FAF2: variants seen among roughly 807,000 people sequenced by gnomAD.
FAF2 encodes FAS-associated factor 2.
FAF2 carries 9 observed loss-of-function variants against 62.3 expected under a neutral mutation model. That is an observed-to-expected ratio of 0.14 (90% CI 0.09 to 0.25). The LOEUF is 0.25. FAF2 is among the 10% of genes least tolerant of loss of function. The probability of loss-of-function intolerance (pLI) is 1.00; values close to 1 mark genes in which losing one functional copy is unlikely to be tolerated. For missense variants in FAF2, 368 were observed against 556.2 expected (o/e 0.66, Z 3.40); for synonymous variants, 202 against 198.0 (o/e 1.02, Z -0.17).
chr5:176,498,629 C>T (rs1689618652), intron 8 of FAF2, among the ~76,000 whole-genome samples: 1 of 152,126 alleles, frequency 6.6e-6, no homozygotes, highest in Admixed American at 6.6e-5. Context: ...TTCATAATAA[C>T]AGTACTGTGT....
chr5:176,480,863 C>T (rs1468963257), intron 2 of FAF2, among the ~76,000 whole-genome samples: 2 of 151,678 alleles, frequency 1.3e-5, no homozygotes, highest in African/African-American at 2.4e-5. Flanking sequence ...ATGTAGATGA[C>T]GGGTTGATGG....
chr5:176,493,968 T>C (rs746381472), intron 5 of FAF2, 31 bp from the exon 6 acceptor site: 2 of 1,512,974 alleles, frequency 1.3e-6, no homozygotes, highest in Admixed American at 1.7e-5. Flanking sequence ...CACAGTCTTC[T>C]TAATAGTGAG....
At chr5:176,455,690 A>T (rs1758267340) in intron 1 of FAF2, among the ~76,000 whole-genome samples, 1 of 151,990 alleles carries the variant, frequency 6.6e-6, no homozygotes, top group African/African-American at 2.4e-5. Context: ...CAGAGGTTGC[A>T]GTGAGCCAAG....
At chr5:176,468,176 A>T (rs1259933484) in intron 1 of FAF2, among the ~76,000 whole-genome samples, 1 of 152,210 alleles carries the variant, frequency 6.6e-6, no homozygotes, top group East Asian at 1.9e-4. Context: ...AAGAAAAGAA[A>T]AGAAACTAGA....
At chr5:176,464,680 A>T (rs1031629531) in intron 1 of FAF2, among the ~76,000 whole-genome samples, 3 of 151,276 alleles carry the variant, frequency 2.0e-5, no homozygotes, top group African/African-American at 7.3e-5. Flanking sequence ...TTCTGTAGAG[A>T]TGGGTCTCAC....
Position 176,448,470 on chromosome 5 carries a change from G to A in FAF2, c.63G>A (p.Gln21=). 1 of 1,596,610 alleles carries A rather than the reference G, an allele frequency of 6.3e-7. No individual in the cohort carries two copies. Among genetic ancestry groups the A allele is most frequent in the South Asian group, 1.1e-5 (1 of 88,398 alleles). The part of the protein sequence containing the change: ...QEQTEKLLQF[Q]DLTGIESMDQ... ...AGACAGAGAAGCTGCTGCAGTTTCA[G>A]GTAGCAGCGAGTACTCGGTGCAGCA... The change falls in exon 1 of 11, where the codon CAG becomes CAA. Residue 21 remains glutamine (Q), a splice_region_variant and synonymous_variant. Transcript: ENST00000261942.
chr5:176,478,086 T>G (rs1758733430), intron 1 of FAF2, among the ~76,000 whole-genome samples: 1 of 152,220 alleles, frequency 6.6e-6, no homozygotes, highest in Non-Finnish European at 1.5e-5. Context: ...TATTAGACTT[T>G]GAAGGAATGC....
At chr5:176,476,259 G>GT (rs1305182466) in intron 1 of FAF2, among the ~76,000 whole-genome samples, 7 of 152,038 alleles carry the variant, frequency 4.6e-5, no homozygotes, top group Non-Finnish European at 8.8e-5. Flanking sequence ...GACAGAACCT[G>GT]TCTTAAAAAA....
chr5:176,468,785 C>CA (rs796986844), intron 1 of FAF2, among the ~76,000 whole-genome samples: 1,860 of 131,534 alleles, frequency 0.014, 38 homozygotes, highest in African/African-American at 0.044. Flanking sequence ...CCCAAAAAAA[C>CA]AAAAAAAAAA....
intron 1 of FAF2, among the ~76,000 whole-genome samples, chr5:176,455,706 A>T (rs1758267423): frequency 1.3e-5 from 2 of 151,962 alleles, no homozygotes; most frequent in Non-Finnish European, 2.9e-5. Flanking sequence ...CCAAGGTCGC[A>T]CTAGTGCACT....
At chr5:176,459,439 A>G (rs1260075938) in intron 1 of FAF2, among the ~76,000 whole-genome samples, 1 of 151,380 alleles carries the variant, frequency 6.6e-6, no homozygotes, top group Admixed American at 6.6e-5. Context: ...TTTTATTTTT[A>G]TTTTTTGTAG....
At position 176,479,819 on chromosome 5, in the gene FAF2, C is replaced by T. The variant is rs560200559; in HGVS notation, c.132+563C>T. On this transcript the variant is annotated intron_variant, in intron 2 of 10. Coordinates refer to ENST00000261942, the MANE Select transcript of FAF2 (RefSeq NM_014613.3). The stretch of plus-strand genomic sequence containing the variant: ...TCAAGCGATTCTCCTACCTCAGCCC[C>T]CTGAGTAGCTGGGATTACAGGCAGA... Among the ~76,000 whole-genome samples the T allele has an allele frequency of 2.6e-5, 4 of 152,240 alleles. No individual in the cohort carries two copies. The East Asian group carries it at 7.7e-4, about 29-fold the overall frequency.
At chr5:176,468,155 G>A (rs927604430) in intron 1 of FAF2, among the ~76,000 whole-genome samples, 2 of 152,094 alleles carry the variant, frequency 1.3e-5, no homozygotes, top group African/African-American at 2.4e-5. Context: ...ACAAGAGTGA[G>A]AATCTGTCTC....
At chr5:176,454,325 G>A (rs1208180673) in intron 1 of FAF2, among the ~76,000 whole-genome samples, 1 of 151,950 alleles carries the variant, frequency 6.6e-6, no homozygotes, top group Non-Finnish European at 1.5e-5. Context: ...TTCTGGAGGC[G>A]GAGGTTGCAG....
Sources: gnomAD v4.1 joint callset for allele counts (sites outside exome capture counted in the v4.1 genomes callset) on GRCh38, gnomAD v4.1.1 for gene constraint, MANE v1.5 for transcripts, NCBI Gene and HGNC (gene_info 2026-07-23, HGNC 2026-07-21) for gene names.